Variants in TRRAP observed in about 807,000 individuals in gnomAD.
TRRAP encodes transformation/transcription domain-associated protein.
TRRAP carries 41 observed loss-of-function variants against 438.8 expected under a neutral mutation model. The ratio of observed to expected loss-of-function variants is 0.09; its 90% CI spans 0.07 to 0.12. TRRAP has a LOEUF of 0.12. TRRAP is among the 10% of genes least tolerant of loss of function. TRRAP has a pLI of 1.00. For missense variants in TRRAP, 3,122 were observed against 5,055.1 expected (o/e 0.62, Z 11.60); for synonymous variants, 1,994 against 1,962.9 (o/e 1.02, Z -0.42).
intron 13 of TRRAP, 144 bp downstream of exon 13, chr7:98,906,399 TTG>T (rs369507700): frequency 2.1e-4 from 63 of 302,926 alleles, no homozygotes; most frequent in South Asian, 4.5e-4. Flanking sequence ...ATTTTTGTTT[TTG>T]TTTTATTTAT....
chr7:98,962,604 TC>T lies in TRRAP; in HGVS notation c.6829+182del, dbSNP rs1445635332. The stretch of plus-strand genomic sequence containing the variant: ...AGGCCGCCGTCTCCTGTAGACTGCA[TC>T]CCCCTTCGCCGATGCTTGCTCTGTG... On this transcript the variant is annotated intron_variant, in intron 47 of 72. Coordinates refer to ENST00000456197, the MANE Select transcript of TRRAP (RefSeq NM_001375524.1). Among the ~76,000 whole-genome samples the T allele has an allele frequency of 2.0e-5, 3 of 152,200 alleles. No homozygotes were observed. The South Asian group carries it at 6.2e-4, about 32-fold the overall frequency.
At chr7:98,925,017 A>AT in intron 21 of TRRAP, 95 bp from the exon 22 acceptor site, 1 of 1,460,974 alleles carries the variant, frequency 6.8e-7, no homozygotes, top group South Asian at 1.4e-5. Flanking sequence ...AAAAAAAAAA[A>AT]GATTCTTCTG....
chr7:98,969,279 C>CT (rs1202729560), intron 51 of TRRAP, among the ~76,000 whole-genome samples: 8 of 152,248 alleles, frequency 5.3e-5, no homozygotes, highest in Non-Finnish European at 1.0e-4. Context: ...CCCCCTGCCT[C>CT]TCTCTGCATC....
chr7:99,004,470 G>A (rs1229114453), intron 68 of TRRAP, 55 bp downstream of exon 68: 31 of 1,514,704 alleles, frequency 2.0e-5, no homozygotes, highest in Non-Finnish European at 1.4e-5. Flanking sequence ...TGGACATGGA[G>A]CCCCATGGGA....
In TRRAP at chr7:98,950,200, G is replaced by A; in HGVS notation, c.5272G>A (p.Ala1758Thr). The A allele has an allele frequency of 1.2e-6, 2 of 1,614,210 alleles. No individual in the cohort carries two copies. The change falls in exon 38 of 73, where the codon GCC becomes ACC. Residue 1758 changes from alanine (A) to threonine (T), a missense_variant. Coordinates refer to ENST00000456197, the MANE Select transcript of TRRAP (RefSeq NM_001375524.1). ...PKNYSIAQKRALFFRFVDFND... is the reference protein window; with the variant it reads ...PKNYSIAQKRTLFFRFVDFND... ...AAATTACAGCATCGCTCAGAAACGT[G>A]CCCTGTTCTTTCGCTTTGTAGACTT...
rs1554407965 is a variant in TRRAP at position 98,908,792 on chromosome 7, G to A, written c.1180G>A (p.Asp394Asn). 4 of 1,594,298 alleles carry A rather than the reference G, an allele frequency of 2.5e-6. No homozygotes were observed. The highest frequency in any genetic ancestry group is 1.1e-5 in the South Asian group (1 of 88,054). Residue 394 changes from aspartate to asparagine, a missense_variant, in exon 14 of 73, where the codon GAC becomes AAC. By Grantham distance (23) the Asp-to-Asn change is conservative (BLOSUM62 1). Around this residue, in one of 24 missense-constraint regions of TRRAP, gnomAD observed 343 missense variants for 564.0 expected, o/e 0.61. Coordinates refer to ENST00000456197, the MANE Select transcript of TRRAP (RefSeq NM_001375524.1). The surrounding 1 kb of genome is among the most constrained non-coding windows in gnomAD (Gnocchi z 4.1). ...HHVRQHLPLS[D>N]LSLAVQLFAK... is the part of the protein sequence containing the mutation. ...TGTCCGCCAGCACCTGCCCCTCAGC[G>A]ACCTCTCCCTCGCCGTCCAGCTCTT...
chr7:98,890,240 T>C (rs1584270721), intron 3 of TRRAP, 95 bp from the exon 4 acceptor site: 1 of 756,374 alleles, frequency 1.3e-6, no homozygotes, highest in East Asian at 3.4e-5. Context: ...TTGGCTAAAA[T>C]GTTTTATATT....
At chr7:98,969,575 A>T (rs962444511) in intron 51 of TRRAP, among the ~76,000 whole-genome samples, 2 of 152,242 alleles carry the variant, frequency 1.3e-5, no homozygotes, top group Admixed American at 1.3e-4. Context: ...TTCGCCCAAG[A>T]TGGCAAGAGT....
At position 98,962,546 on chromosome 7, in the gene TRRAP, C is replaced by T. The variant is rs1012925060; in HGVS notation, c.6829+119C>T. ...TGTTGGGCAGAGCTTTGAGCCGCTGCGTTGTTCAGGTGTCTGTTGCCTGGG... is the reference window on the plus strand; with the variant it reads ...TGTTGGGCAGAGCTTTGAGCCGCTGTGTTGTTCAGGTGTCTGTTGCCTGGG... On this transcript the variant is annotated intron_variant, in intron 47 of 72. Coordinates refer to ENST00000456197, the MANE Select transcript of TRRAP (RefSeq NM_001375524.1). 2.1e-5 allele frequency: 32 copies of T among 1,558,850 alleles called. No individual in the cohort carries two copies. The South Asian group carries it at 2.3e-4, about 11-fold the overall frequency.
In TRRAP at chr7:98,893,895, A is replaced by G; in HGVS notation, c.450+14A>G. 1 of 1,611,606 alleles carries G rather than the reference A, an allele frequency of 6.2e-7. No individual in the cohort carries two copies. ...ATCACACAAGAAGTAAGTTGTTTAA[A>G]ATCCTTATAGCATTTATAAAGTGTG... On this transcript the variant is annotated intron_variant, in intron 6 of 72. Transcript: ENST00000456197.
chr7:98,933,505 G>C (rs567718022), intron 27 of TRRAP, 103 bp downstream of exon 27: 122 of 1,465,110 alleles, frequency 8.3e-5, no homozygotes, highest in Middle Eastern at 7.0e-4. Flanking sequence ...GAGAAGGCTC[G>C]GGCGGGGACC....
chr7:98,936,576 G>A (rs1790565625), intron 28 of TRRAP, among the ~76,000 whole-genome samples: 1 of 152,198 alleles, frequency 6.6e-6, no homozygotes, highest in South Asian at 2.1e-4. Context: ...AAGCTGGGTA[G>A]TGAAGAAAGG....
chr7:98,883,408 T>C (rs940042466), intron 3 of TRRAP, among the ~76,000 whole-genome samples: 1 of 152,204 alleles, frequency 6.6e-6, no homozygotes, highest in African/African-American at 2.4e-5. Context: ...TTTGAACATA[T>C]TTACTGTATG....
At chr7:98,889,730 T>A (rs1198838729) in intron 3 of TRRAP, among the ~76,000 whole-genome samples, 2 of 151,798 alleles carry the variant, frequency 1.3e-5, no homozygotes, top group Non-Finnish European at 1.5e-5. Flanking sequence ...TTAAAAAAAA[T>A]TTTTTGTAGA....
At chr7:98,959,936 T>TAAAAAAA (rs780800568) in intron 45 of TRRAP, among the ~76,000 whole-genome samples, 1 of 112,702 alleles carries the variant, frequency 8.9e-6, no homozygotes, top group African/African-American at 3.8e-5. Context: ...CCTGGTCTCT[T>TAAAAAAA]AAAAAAAAAA....
chr7:98,915,388 C>A (rs1473521281), intron 18 of TRRAP, among the ~76,000 whole-genome samples: 3 of 152,048 alleles, frequency 2.0e-5, no homozygotes, highest in Non-Finnish European at 4.4e-5. Context: ...GACGGGGTTT[C>A]ACCATGTTGG....
At chr7:98,935,737 A>G (rs1471837396) in intron 28 of TRRAP, 62 bp downstream of exon 28, 87 of 1,345,412 alleles carry the variant, frequency 6.5e-5, no homozygotes, top group South Asian at 3.6e-4. Flanking sequence ...GGAGGTCTAT[A>G]GAAAAAAAAA....
At chr7:98,960,097 G>A (rs1037531593) in intron 45 of TRRAP, among the ~76,000 whole-genome samples, 6 of 152,110 alleles carry the variant, frequency 3.9e-5, no homozygotes, top group African/African-American at 1.2e-4. Context: ...GTTGGCTTGG[G>A]ATAAGCATTT....
Position 98,994,205 on chromosome 7 carries a change from C to T in TRRAP, c.10048-382C>T, listed in dbSNP as rs1261177942. On this transcript the variant is annotated intron_variant, in intron 66 of 72. Coordinates refer to ENST00000456197, the MANE Select transcript of TRRAP (RefSeq NM_001375524.1). The surrounding 1 kb of genome is among the most constrained non-coding windows in gnomAD (Gnocchi z 4.8). ...TGCTTACCTGGTTGAGCCCCGGGGC[C>T]AGCTCCTTACTGCTGTGAAGTCTCG... 1.3e-5 allele frequency among the ~76,000 whole-genome samples: 2 copies of T among 152,210 alleles called. No individual in the cohort carries two copies. Among genetic ancestry groups the T allele is most frequent in the Non-Finnish European group, 2.9e-5 (2 of 68,020 alleles).
Sources: allele counts gnomAD v4.1 joint callset (sites outside exome capture counted in the v4.1 genomes callset), GRCh38; gene constraint gnomAD v4.1.1; regional missense constraint gnomAD v4.1.1; non-coding constraint Gnocchi (gnomAD v3.1); transcripts MANE v1.5; gene names NCBI Gene and HGNC (gene_info 2026-07-23, HGNC 2026-07-21).